Variants in LY9 observed in about 807,000 individuals in gnomAD.
The protein encoded by LY9 is lymphocyte antigen 9, also known as T-lymphocyte surface antigen Ly-9.
LY9 carries 59 observed loss-of-function variants against 64.6 expected under a neutral mutation model. The observed-to-expected ratio is 0.91, with a 90% CI of 0.74 to 1.13. The LOEUF (loss-of-function observed/expected upper bound fraction) is 1.13. Ranked by LOEUF, LY9 falls within the 50% of genes most tolerant of loss-of-function variation. LY9 has a pLI of 0.00. For synonymous variants in LY9, 281 were observed against 308.5 expected (o/e 0.91, Z 0.93); for missense variants, 789 against 797.2 (o/e 0.99, Z 0.12).
At chr1:160,803,280 C>A (rs2101751526) in intron 2 of LY9, among the ~76,000 whole-genome samples, 1 of 131,752 alleles carries the variant, frequency 7.6e-6, no homozygotes, top group Middle Eastern at 3.8e-3. Flanking sequence ...AAAACCGTGT[C>A]TAAAAAAAAA....
At chr1:160,817,171 TAA>T (rs778519153) in intron 5 of LY9, among the ~76,000 whole-genome samples, 4 of 152,242 alleles carry the variant, frequency 2.6e-5, no homozygotes, top group Non-Finnish European at 5.9e-5. Flanking sequence ...TATTTTGTAC[TAA>T]GTCTTTGAGA....
chr1:160,825,471 TC>T (rs1668801063), intron 9 of LY9, among the ~76,000 whole-genome samples: 1 of 152,200 alleles, frequency 6.6e-6, no homozygotes, highest in Admixed American at 6.5e-5. Context: ...CGTTTTAAGA[TC>T]ATCCTGAGTA....
At chr1:160,822,272 C>T (rs1030368343) in intron 7 of LY9, among the ~76,000 whole-genome samples, 1 of 152,056 alleles carries the variant, frequency 6.6e-6, no homozygotes, top group African/African-American at 2.4e-5. Context: ...CTGGTGAATG[C>T]GCTGAGTTCT....
intron 2 of LY9, among the ~76,000 whole-genome samples, chr1:160,800,988 A>G (rs1437797665): frequency 1.3e-5 from 2 of 152,300 alleles, no homozygotes; most frequent in East Asian, 3.9e-4. Context: ...TTAATTCTAT[A>G]TCTTTGCTAT....
rs1041617366 is a variant in LY9, at chr1:160,816,864, G to A, written c.1342+1G>A. On this transcript the variant is annotated splice_donor_variant, in intron 5 of 9. Transcript: ENST00000263285. LOFTEE classifies it high-confidence loss of function. ...TTTCTTTCTGAGAACATCTGTTCAG[G>A]TTTCTCTCCATCTCTATTTACTCAG... 3.7e-6 allele frequency: 6 copies of A among 1,614,130 alleles called. No individual in the cohort carries two copies. The highest frequency in any genetic ancestry group is 2.2e-5 in the South Asian group (2 of 91,078).
In LY9 at chr1:160,819,358, C is replaced by A. The variant is rs747453406; in HGVS notation, c.1482C>A (p.Ala494=). ...CCTTCTGTTCCAGCCAAGCTGAGGC[C>A]CCAGCGGATACACCAGGTAACATCA... ...VPAFCSSQAE[A]PADTPEPTAG... Residue 494 remains alanine, a synonymous_variant, in exon 7 of 10, where the codon GCC becomes GCA. Transcript: ENST00000263285. 3 of 1,613,570 alleles carry A rather than the reference C, an allele frequency of 1.9e-6. No individual in the cohort carries two copies. In the South Asian group the frequency reaches 3.3e-5, roughly 18 times the overall value.
chr1:160,802,184 T>C (rs1666559985), intron 2 of LY9: 1 of 1,235,800 alleles, frequency 8.1e-7, no homozygotes, highest in South Asian at 2.4e-5. Context: ...TGTGTGCCAG[T>C]GGGGTTTGTG....
At chr1:160,801,280 T>C (rs1027183073) in intron 2 of LY9, among the ~76,000 whole-genome samples, 1 of 152,222 alleles carries the variant, frequency 6.6e-6, no homozygotes, top group Non-Finnish European at 1.5e-5. Context: ...AATATCTCAT[T>C]GTGATTTTGA....
intron 2 of LY9, among the ~76,000 whole-genome samples, chr1:160,803,734 G>A (rs537600251): frequency 2.1e-4 from 32 of 152,212 alleles, no homozygotes; most frequent in African/African-American, 4.8e-4. Flanking sequence ...CAGGCTAAGC[G>A]TGGTGGCTCA....
intron 2 of LY9, among the ~76,000 whole-genome samples, chr1:160,808,893 C>G (rs1667220000): frequency 6.6e-6 from 1 of 152,110 alleles, no homozygotes; most frequent in Non-Finnish European, 1.5e-5. Context: ...AATATGACTA[C>G]TATATTGATC....
rs756726277 is a variant in LY9 at position 160,827,743 on chromosome 1, C to T, written c.1900-5C>T. 1 of 1,601,984 alleles carries T rather than the reference C, an allele frequency of 6.2e-7. No individual in the cohort carries two copies. Among genetic ancestry groups the T allele is most frequent in the Non-Finnish European group, 8.5e-7 (1 of 1,174,672 alleles). On this transcript the variant is annotated splice_polypyrimidine_tract_variant and splice_region_variant and intron_variant, in intron 9 of 9. Transcript: ENST00000263285. Reference sequence around the variant, plus strand: ...CATATTCTTTTGTGGATTTTTGGCTCACAGGTGGTGCCACCACCACAACAG... The same window carrying T: ...CATATTCTTTTGTGGATTTTTGGCTTACAGGTGGTGCCACCACCACAACAG...
chr1:160,826,866 C>G (rs1021517421), intron 9 of LY9, among the ~76,000 whole-genome samples: 1 of 152,190 alleles, frequency 6.6e-6, no homozygotes, highest in Admixed American at 6.5e-5. Flanking sequence ...GCTTTCTACT[C>G]TGGCCTGGCC....
intron 7 of LY9, among the ~76,000 whole-genome samples, chr1:160,821,163 A>AAAAAAAAAAAAAAAAAAAAAAAC (rs917259935): frequency 6.6e-6 from 1 of 150,772 alleles, no homozygotes; most frequent in Non-Finnish European, 1.5e-5. Context: ...AAAAAAAAAA[A>AAAAAAAAAAAAAAAAAAAAAAAC]AAAAAACCAT....
chr1:160,813,847 C>A lies in LY9; in HGVS notation c.666C>A (p.Cys222Ter). The change falls in exon 3 of 10, where the codon TGC becomes TGA. Residue 222 changes from cysteine (C) to a stop codon, truncating the protein, a stop_gained. Transcript: ENST00000263285. LOFTEE classifies it high-confidence loss of function. ...GTGACCCAGACCTGCCATACATCTG[C>A]ACAGCCCAGAACCCCGTCAGCCAGA... ...TPCDPDLPYI[C>*]TAQNPVSQRS... is the part of the protein sequence containing the mutation. 6.2e-7 allele frequency: 1 copy of A among 1,614,218 alleles called. No individual in the cohort carries two copies. Among genetic ancestry groups the A allele is most frequent in the Non-Finnish European group, 8.5e-7 (1 of 1,180,038 alleles).
At chr1:160,819,849 A>AGGG (rs1557814484) in intron 7 of LY9, among the ~76,000 whole-genome samples, 25 of 54,832 alleles carry the variant, frequency 4.6e-4, no homozygotes, top group Admixed American at 7.0e-4. Context: ...GGAAGGAAGG[A>AGGG]AGGAAGGGAG....
chr1:160,821,321 C>T (rs1327787019), intron 7 of LY9, among the ~76,000 whole-genome samples: 1 of 152,144 alleles, frequency 6.6e-6, no homozygotes, highest in African/African-American at 2.4e-5. Context: ...AGGTTTCATA[C>T]ATATTTGTGT....
chr1:160,814,530 G>T lies in LY9; in HGVS notation c.841G>T (p.Val281Phe), dbSNP rs3737783. The T allele has an allele frequency of 1.9e-6, 3 of 1,614,158 alleles. No individual in the cohort carries two copies. The highest frequency in any genetic ancestry group is 2.2e-5 in the South Asian group (2 of 91,074). The change falls in exon 4 of 10, where the codon GTC (valine) becomes TTC (phenylalanine). Residue 281 changes from valine (V) to phenylalanine (F), a missense_variant. Val to Phe is a conservative substitution (Grantham distance 50, BLOSUM62 -1). Coordinates refer to ENST00000263285, the MANE Select transcript of LY9 (RefSeq NM_002348.4). ...LPACRDTEKV[V>F]WLFNTSIISK... ...AGCCTGCCGGGACACAGAGAAGGTT[G>T]TCTGGTTGTTTAACACATCCATCAT...
In LY9 at chr1:160,816,574, G is replaced by A; in HGVS notation, c.1073-20G>A. On this transcript the variant is annotated intron_variant, in intron 4 of 9. Transcript: ENST00000263285. ...GGGGGCAGGCCTGATTCCACATGGA[G>A]TCTGCCTCTCTCCTCACAGGCAGGC... 1 of 1,570,222 alleles carries A rather than the reference G, an allele frequency of 6.4e-7. No homozygotes were observed. The highest frequency in any genetic ancestry group is 8.7e-7 in the Non-Finnish European group (1 of 1,154,880).
chr1:160,824,065 C>T, intron 8 of LY9, 116 bp from the exon 9 acceptor site: 3 of 1,314,440 alleles, frequency 2.3e-6, no homozygotes, highest in South Asian at 1.3e-5. Flanking sequence ...AAGGCAGCTC[C>T]CACCCTGTGT....
Sources: allele counts gnomAD v4.1 joint callset (sites outside exome capture counted in the v4.1 genomes callset), GRCh38; gene constraint gnomAD v4.1.1; transcripts MANE v1.5; gene names NCBI Gene and HGNC (gene_info 2026-07-23, HGNC 2026-07-21).